MAP2K4: variants seen among roughly 807,000 people sequenced by gnomAD.
The protein encoded by MAP2K4 is mitogen-activated protein kinase kinase 4.
Under a neutral mutation model 48.5 loss-of-function variants are expected in MAP2K4, and 4 were observed. The ratio of observed to expected loss-of-function variants is 0.08; its 90% CI spans 0.04 to 0.19. The LOEUF is 0.19. Ranked by LOEUF, MAP2K4 falls within the 10% of genes least tolerant of loss-of-function variation. MAP2K4 has a pLI of 1.00. For missense variants in MAP2K4, 258 were observed against 493.3 expected (o/e 0.52, Z 4.52); for synonymous variants, 166 against 173.1 (o/e 0.96, Z 0.32).
chr17:12,067,304 TA>T, intron 2 of MAP2K4, among the ~76,000 whole-genome samples: 1 of 152,280 alleles, frequency 6.6e-6, no homozygotes, highest in African/African-American at 2.4e-5. Context: ...TAATTCTTCA[TA>T]GATTGGTAAT....
intron 9 of MAP2K4, 82 bp downstream of exon 9, chr17:12,129,369 A>G (rs1278558245): frequency 1.3e-6 from 2 of 1,533,628 alleles, no homozygotes; most frequent in Non-Finnish European, 1.8e-6. Flanking sequence ...TTGGTACTTT[A>G]CATGGAGGAA....
intron 6 of MAP2K4, chr17:12,110,763 G>C (rs1972278605): frequency 9.1e-6 from 2 of 219,458 alleles, no homozygotes; most frequent in Non-Finnish European, 1.8e-5. Flanking sequence ...ATTCAAAGAA[G>C]AATCTGAGGG....
chr17:12,050,099 A>G (rs996165912), intron 1 of MAP2K4, among the ~76,000 whole-genome samples: 2 of 152,190 alleles, frequency 1.3e-5, no homozygotes, highest in African/African-American at 4.8e-5. Flanking sequence ...TTCCATTCTT[A>G]CAGGCTGGGT....
rs2151598617 is a variant in MAP2K4 at position 12,139,861 on chromosome 17, A to G, written c.1063A>G (p.Arg355Gly). 6.2e-7 allele frequency: 1 copy of G among 1,606,308 alleles called. No individual in the cohort carries two copies. The highest frequency in any genetic ancestry group is 8.5e-7 in the Non-Finnish European group (1 of 1,175,152). ...NLCLTKDESK[R>G]PKYKELLKHP... ...TAGCCTTACGAAGGATGAATCCAAA[A>G]GGCCAAAGTATAAAGAGCTTCTGGT... is the stretch of plus-strand genomic sequence containing the variant. Residue 355 changes from arginine to glycine, a missense_variant, in exon 10 of 11, where the codon AGG becomes GGG. By Grantham distance (125) the Arg-to-Gly change is moderately radical. Around this residue, in one of 3 missense-constraint regions of MAP2K4, gnomAD observed 57 missense variants for 84.3 expected, o/e 0.68. Transcript: ENST00000353533.
At chr17:12,127,171 C>T (rs1972880624) in intron 8 of MAP2K4, among the ~76,000 whole-genome samples, 7 of 152,216 alleles carry the variant, frequency 4.6e-5, no homozygotes, top group Admixed American at 2.0e-4. Flanking sequence ...CAGCTCACCT[C>T]TGCAGAGGAC....
intron 2 of MAP2K4, among the ~76,000 whole-genome samples, chr17:12,078,929 G>T (rs1308742009): frequency 6.6e-6 from 1 of 152,126 alleles, no homozygotes; most frequent in African/African-American, 2.4e-5. Context: ...AAGATCGCTA[G>T]CCCAGTATAA....
chr17:12,062,167 G>A (rs906759575), intron 2 of MAP2K4, among the ~76,000 whole-genome samples: 1 of 150,152 alleles, frequency 6.7e-6, no homozygotes, highest in Non-Finnish European at 1.5e-5. Flanking sequence ...CCATTGTTTT[G>A]TGAATGCCTG....
intron 1 of MAP2K4, among the ~76,000 whole-genome samples, chr17:12,035,253 C>T (rs1249567804): frequency 1.3e-5 from 2 of 152,220 alleles, no homozygotes; most frequent in African/African-American, 2.4e-5. Flanking sequence ...CACGGTGGCT[C>T]ATGCCTGTAA....
At chr17:12,074,335 G>A (rs140363369) in intron 2 of MAP2K4, among the ~76,000 whole-genome samples, 66 of 152,102 alleles carry the variant, frequency 4.3e-4, no homozygotes, top group African/African-American at 1.2e-3. Context: ...ATTGTGTGAT[G>A]GCTGTTTTTG....
chr17:12,108,773 A>G (rs1972209585), intron 5 of MAP2K4, among the ~76,000 whole-genome samples: 1 of 152,056 alleles, frequency 6.6e-6, no homozygotes. Context: ...TAGTTCACCA[A>G]GATATATACT....
intron 9 of MAP2K4, among the ~76,000 whole-genome samples, chr17:12,135,564 A>G (rs1973178929): frequency 6.6e-6 from 1 of 150,710 alleles, no homozygotes; most frequent in Non-Finnish European, 1.5e-5. Context: ...CCATTTATTT[A>G]TTTAGGACAG....
At chr17:12,098,238 A>T (rs1376820537) in intron 4 of MAP2K4, among the ~76,000 whole-genome samples, 4 of 152,024 alleles carry the variant, frequency 2.6e-5, no homozygotes, top group Non-Finnish European at 5.9e-5. Context: ...CCAGCACTTC[A>T]GGAGGCCGAG....
chr17:12,088,543 T>TATATA (rs1166221794), intron 3 of MAP2K4, among the ~76,000 whole-genome samples: 1 of 22,440 alleles, frequency 4.5e-5, no homozygotes, highest in Non-Finnish European at 2.3e-4. Flanking sequence ...TATATTAAAT[T>TATATA]ATATCTAATA....
In MAP2K4 at chr17:12,081,499, A is replaced by G; in HGVS notation, c.362A>G (p.His121Arg). 6.2e-7 allele frequency: 1 copy of G among 1,614,126 alleles called. No individual in the cohort carries two copies. Among genetic ancestry groups the G allele is most frequent in the East Asian group, 2.2e-5 (1 of 44,872 alleles). ...GAYGSVNKMV[H>R]KPSGQIMAVK... ...TATGGTTCTGTCAACAAAATGGTCC[A>G]CAAACCAAGTGGGCAAATAATGGCA... The change falls in exon 3 of 11, where the codon CAC becomes CGC. Residue 121 changes from histidine to arginine, a missense_variant. By Grantham distance (29) the His-to-Arg change is conservative (BLOSUM62 0). Transcript: ENST00000353533. The surrounding 1 kb of genome is among the most constrained non-coding windows in gnomAD (Gnocchi z 4.2).
In MAP2K4 at chr17:12,117,409, TA is replaced by T. The variant is rs561108727; in HGVS notation, c.813+4060del. On this transcript the variant is annotated intron_variant, in intron 7 of 10. Transcript: ENST00000353533. ...TCTTGTTGATTCAGTGTTCCCAAGG[TA>T]AAAAAAAAAAGACCCTTGTGGCCCC... is the stretch of plus-strand genomic sequence containing the variant. Among the ~76,000 whole-genome samples, 1,073 of 143,632 alleles carry T rather than the reference TA, an allele frequency of 7.5e-3. 4 individuals carry two copies. The highest frequency in any genetic ancestry group is 0.044 in the East Asian group (218 of 5,002). 94.2% of individuals were successfully genotyped at this position (143,632 alleles called of 152,430 possible). A position where few individuals can be genotyped will look rare whatever the true frequency, so the allele number is the denominator to read the frequency against.
chr17:12,071,594 A>G (rs1212605436), intron 2 of MAP2K4, among the ~76,000 whole-genome samples: 1 of 152,178 alleles, frequency 6.6e-6, no homozygotes, highest in East Asian at 1.9e-4. Flanking sequence ...CCCACCTCCA[A>G]AAAAACAACA....
intron 1 of MAP2K4, among the ~76,000 whole-genome samples, chr17:12,054,533 C>T (rs554922794): frequency 4.0e-4 from 61 of 152,120 alleles, no homozygotes; most frequent in African/African-American, 1.4e-3. Context: ...AAGTATAACA[C>T]TGAACAGATG....
At chr17:12,069,409 T>A (rs937600898) in intron 2 of MAP2K4, among the ~76,000 whole-genome samples, 1 of 152,130 alleles carries the variant, frequency 6.6e-6, no homozygotes, top group Non-Finnish European at 1.5e-5. Context: ...TAGGAAACAG[T>A]CAATAGCAAC....
intron 6 of MAP2K4, 47 bp downstream of exon 6, chr17:12,110,473 C>A (rs1381829905): frequency 1.5e-6 from 2 of 1,303,442 alleles, no homozygotes; most frequent in East Asian, 2.3e-5. Flanking sequence ...ACTTTTTTCT[C>A]CTAATTGGTG....
Sources: gnomAD v4.1 joint callset for allele counts (sites outside exome capture counted in the v4.1 genomes callset) on GRCh38, gnomAD v4.1.1 for gene constraint, gnomAD v4.1.1 regional missense constraint, Gnocchi (gnomAD v3.1) non-coding constraint, MANE v1.5 for transcripts, NCBI Gene and HGNC (gene_info 2026-07-23, HGNC 2026-07-21) for gene names.